ZC3H7B: variants seen among roughly 807,000 people sequenced by gnomAD.
The protein encoded by ZC3H7B is zinc finger CCCH domain-containing protein 7B.
Under a neutral mutation model 116.0 loss-of-function variants are expected in ZC3H7B, and 35 were observed. The observed-to-expected ratio is 0.30, with a 90% CI of 0.23 to 0.40. ZC3H7B has a LOEUF of 0.40. Among genes scored for constraint, ZC3H7B ranks in the 10% least tolerant of loss-of-function variants. The pLI is 1.00. For synonymous variants in ZC3H7B, 502 were observed against 545.6 expected, an observed-to-expected ratio of 0.92 and a Z score of 1.11; for missense variants, 1,011 against 1,321.5, an observed-to-expected ratio of 0.77 and a Z score of 3.64.
Position 41,355,592 on chromosome 22 carries a change from G to T in ZC3H7B, c.2158G>T (p.Ala720Ser), listed in dbSNP as rs750481563. ...GGACCTCAAGTACTGTAGTGCCAAG[G>T]CCCGGCACTGGTGAGTGGGATGCCA... is the stretch of plus-strand genomic sequence containing the variant. Reference protein sequence around the residue: ...DKDLKYCSAKARHCWTKERRV... With the variant: ...DKDLKYCSAKSRHCWTKERRV... The change falls in exon 18 of 23, where the codon GCC becomes TCC. Residue 720 changes from alanine to serine, a missense_variant. Ala to Ser is a moderately conservative substitution (Grantham distance 99). Coordinates refer to ENST00000352645, the MANE Select transcript of ZC3H7B (RefSeq NM_017590.6). 6.2e-7 allele frequency: 1 copy of T among 1,614,164 alleles called. No homozygotes were observed. The highest frequency in any genetic ancestry group is 1.1e-5 in the South Asian group (1 of 91,090).
At chr22:41,332,119 A>G in intron 6 of ZC3H7B, 52 bp from the exon 7 acceptor site, 2 of 1,605,586 alleles carry the variant, frequency 1.2e-6, no homozygotes, top group Non-Finnish European at 1.7e-6. Context: ...GGGGACCTTG[A>G]GCATCTTTTC....
intron 1 of ZC3H7B, among the ~76,000 whole-genome samples, chr22:41,306,262 G>A (rs1329183923): frequency 6.6e-6 from 1 of 152,138 alleles, no homozygotes; most frequent in East Asian, 1.9e-4. Flanking sequence ...AAGAAACTCA[G>A]ATGAAAGGAG....
At chr22:41,332,040 G>C in intron 6 of ZC3H7B, 131 bp from the exon 7 acceptor site, 4 of 901,596 alleles carry the variant, frequency 4.4e-6, no homozygotes, top group Non-Finnish European at 7.0e-6. Flanking sequence ...CAGGCCTGGG[G>C]ACAGGGACTC....
intron 1 of ZC3H7B, among the ~76,000 whole-genome samples, chr22:41,311,416 G>C (rs188530291): frequency 1.3e-5 from 2 of 152,206 alleles, no homozygotes; most frequent in East Asian, 3.9e-4. Flanking sequence ...TTTGGAATGT[G>C]TTCAGTTGGA....
intron 15 of ZC3H7B, among the ~76,000 whole-genome samples, chr22:41,348,386 T>C (rs1893167476): frequency 6.6e-6 from 1 of 152,246 alleles, no homozygotes; most frequent in African/African-American, 2.4e-5. Flanking sequence ...GGTATGTTAA[T>C]TATCTTAGCA....
intron 15 of ZC3H7B, 58 bp downstream of exon 15, chr22:41,348,225 G>A: frequency 6.8e-7 from 1 of 1,481,414 alleles, no homozygotes; most frequent in Non-Finnish European, 9.4e-7. Flanking sequence ...GTCCCCTCAG[G>A]CAGCTCAGAT....
chr22:41,303,990 C>T (rs1352860249), intron 1 of ZC3H7B, among the ~76,000 whole-genome samples: 1 of 152,174 alleles, frequency 6.6e-6, no homozygotes, highest in Admixed American at 6.5e-5. Context: ...ATCTCCTGAC[C>T]TCGTGATCCA....
At chr22:41,312,152 G>A (rs1166485186) in intron 1 of ZC3H7B, among the ~76,000 whole-genome samples, 15 of 118,208 alleles carry the variant, frequency 1.3e-4, no homozygotes, top group South Asian at 2.9e-4. Context: ...GCGAGACTCC[G>A]TCTCAAAAAA....
At chr22:41,320,850 C>A in intron 2 of ZC3H7B, 137 bp downstream of exon 2, 5 of 1,206,978 alleles carry the variant, frequency 4.1e-6, no homozygotes, top group Non-Finnish European at 6.0e-6. Context: ...GGGGTGCGGG[C>A]AGGTGGGAGG....
In ZC3H7B at chr22:41,349,402, C is replaced by A; in HGVS notation, c.1948+101C>A. On this transcript the variant is annotated intron_variant, in intron 16 of 22. Coordinates refer to ENST00000352645, the MANE Select transcript of ZC3H7B (RefSeq NM_017590.6). The surrounding 1 kb of genome is among the most constrained non-coding windows in gnomAD (Gnocchi z 4.9). ...GACTGACTGGGGTGACAGGCCAGGG[C>A]CCCATGGTCGCTGGAGGGGGCTTCG... is the stretch of plus-strand genomic sequence containing the variant. 1 of 1,482,886 alleles carries A rather than the reference C, an allele frequency of 6.7e-7. No homozygotes were observed. Among genetic ancestry groups the A allele is most frequent in the Non-Finnish European group, 9.1e-7 (1 of 1,098,224 alleles). 91.9% of individuals were successfully genotyped at this position (1,482,886 alleles called of 1,614,324 possible).
chr22:41,305,793 A>T (rs1312120375), intron 1 of ZC3H7B, among the ~76,000 whole-genome samples: 1 of 152,074 alleles, frequency 6.6e-6, no homozygotes, highest in East Asian at 1.9e-4. Flanking sequence ...AGAGCTTGGG[A>T]TGAGATAGAT....
intron 20 of ZC3H7B, 86 bp downstream of exon 20, chr22:41,356,148 T>A: frequency 6.9e-7 from 1 of 1,443,744 alleles, no homozygotes; most frequent in Non-Finnish European, 9.3e-7. Flanking sequence ...CCCAAGAGCG[T>A]CCACTGCACC....
At position 41,351,781 on chromosome 22, in the gene ZC3H7B, G is replaced by T. The variant is rs893267742; in HGVS notation, c.2034+135G>T. On this transcript the variant is annotated intron_variant, in intron 17 of 22. Coordinates refer to ENST00000352645, the MANE Select transcript of ZC3H7B (RefSeq NM_017590.6). The surrounding 1 kb of genome is among the most constrained non-coding windows in gnomAD (Gnocchi z 5.1). ...TCGAATAAGTTATGAAAGTAACTTGGATAATGTACACATTCAGCTGTTGTG... is the reference window on the plus strand; with the variant it reads ...TCGAATAAGTTATGAAAGTAACTTGTATAATGTACACATTCAGCTGTTGTG... The T allele has an allele frequency of 4.0e-6, 3 of 745,794 alleles. No homozygotes were observed. The highest frequency in any genetic ancestry group is 6.6e-6 in the Non-Finnish European group (3 of 453,732). 46.2% of individuals were successfully genotyped at this position (745,794 alleles called of 1,614,324 possible). A position where few individuals can be genotyped will look rare whatever the true frequency, so the allele number is the denominator to read the frequency against.
chr22:41,325,077 A>G (rs1450840219), intron 2 of ZC3H7B, among the ~76,000 whole-genome samples: 1 of 151,914 alleles, frequency 6.6e-6, no homozygotes, highest in Non-Finnish European at 1.5e-5. Context: ...CCTTCCCCTC[A>G]TGTAACTGAG....
chr22:41,308,881 A>G (rs1033833763), intron 1 of ZC3H7B, among the ~76,000 whole-genome samples: 4 of 151,852 alleles, frequency 2.6e-5, no homozygotes, highest in Admixed American at 1.3e-4. Context: ...CCTCAGGGCC[A>G]TTGCCTGTGC....
intron 7 of ZC3H7B, chr22:41,332,524 C>T (rs2036396330): frequency 5.2e-6 from 2 of 382,828 alleles, no homozygotes; most frequent in Non-Finnish European, 4.8e-6. Flanking sequence ...ACATTTCCTG[C>T]TGTGTTGCCT....
In ZC3H7B at chr22:41,357,339, A is replaced by G; in HGVS notation, c.2844A>G (p.Lys948=). Residue 948 remains lysine (K), a synonymous_variant, in exon 23 of 23, where the codon AAA becomes AAG. Coordinates refer to ENST00000352645, the MANE Select transcript of ZC3H7B (RefSeq NM_017590.6). This position sits in a 1 kb window ranked among gnomAD's most constrained non-coding sequence, Gnocchi z 5.4. Reference sequence around the variant, plus strand: ...GCCCACGGGACGACGACTTTGGCAAATACAACTTCCTGCTGCAAGAGGACG... The same window carrying G: ...GCCCACGGGACGACGACTTTGGCAAGTACAACTTCCTGCTGCAAGAGGACG... ...LLCPRDDDFG[K]YNFLLQEDGD... The G allele has an allele frequency of 6.2e-7, 1 of 1,613,700 alleles. No homozygotes were observed. The highest frequency in any genetic ancestry group is 8.5e-7 in the Non-Finnish European group (1 of 1,179,970).
chr22:41,343,802 T>C (rs2036553062), intron 13 of ZC3H7B, among the ~76,000 whole-genome samples: 1 of 152,184 alleles, frequency 6.6e-6, no homozygotes, highest in African/African-American at 2.4e-5. Context: ...GGGACACATT[T>C]GGGACATTCA....
intron 7 of ZC3H7B, chr22:41,334,895 A>T (rs1285697516): frequency 6.6e-6 from 1 of 152,280 alleles, no homozygotes; most frequent in African/African-American, 2.4e-5. Context: ...AGCCAGGCAG[A>T]GGCCCTGCAA....
Sources: gnomAD v4.1 joint callset for allele counts (sites outside exome capture counted in the v4.1 genomes callset) on GRCh38, gnomAD v4.1.1 for gene constraint, Gnocchi (gnomAD v3.1) non-coding constraint, MANE v1.5 for transcripts, NCBI Gene and HGNC (gene_info 2026-07-23, HGNC 2026-07-21) for gene names.